Variants in MEGF6 observed in about 807,000 individuals in gnomAD.
The protein encoded by MEGF6 is multiple epidermal growth factor-like domains protein 6.
Under a neutral mutation model 207.1 loss-of-function variants are expected in MEGF6, and 184 were observed. The observed-to-expected ratio is 0.89, with a 90% CI of 0.79 to 1.00. The LOEUF is 1.00. MEGF6 is among the 50% of genes least tolerant of loss of function. The probability of loss-of-function intolerance (pLI) is 0.00; values close to 1 mark genes in which losing one functional copy is unlikely to be tolerated. For missense variants in MEGF6, 2,282 were observed against 2,202.9 expected, an observed-to-expected ratio of 1.04 and a Z score of -0.72; for synonymous variants, 1,038 against 910.0, an observed-to-expected ratio of 1.14 and a Z score of -2.53.
Position 3,512,030 on chromosome 1 carries a change from C to T in MEGF6, c.952G>A (p.Gly318Ser), listed in dbSNP as rs766403098. The T allele has an allele frequency of 6.2e-7, 1 of 1,612,690 alleles. No individual in the cohort carries two copies. The highest frequency in any genetic ancestry group is 8.5e-7 in the Non-Finnish European group (1 of 1,179,962). Residue 318 changes from glycine to serine, a missense_variant, in exon 8 of 37, where the codon GGC becomes AGC. Physicochemically the swap from Gly to Ser is moderately conservative, Grantham distance 56. Transcript: ENST00000356575. ...KCVCHAGYEL[G>S]ADGRQCYRIE... is the part of the protein sequence containing the mutation. ...CGGTAGCACTGCCGGCCATCGGCGC[C>T]CAGCTCATAGCCCGCGTGACACACG...
At position 3,495,950 on chromosome 1, in the gene MEGF6, C is replaced by A; in HGVS notation, c.3811G>T (p.Asp1271Tyr). The change falls in exon 30 of 37, where the codon GAC (aspartate) becomes TAC (tyrosine). Residue 1271 changes from aspartate to tyrosine, a missense_variant. Coordinates refer to ENST00000356575, the MANE Select transcript of MEGF6 (RefSeq NM_001409.4). Reference protein sequence around the residue: ...VCGCGQGAACDPVTGTCLCPP... With the variant: ...VCGCGQGAACYPVTGTCLCPP... ...CAGAGGCAGGTGCCGGTCACAGGGT[C>A]GCAGGCCGCCCCCTGCCCACACCCA... The A allele has an allele frequency of 1.9e-6, 3 of 1,589,962 alleles. No individual in the cohort carries two copies. Among genetic ancestry groups the A allele is most frequent in the South Asian group, 2.2e-5 (2 of 89,336 alleles).
chr1:3,500,035 G>A, intron 21 of MEGF6, 111 bp from the exon 22 acceptor site: 1 of 1,409,868 alleles, frequency 7.1e-7, no homozygotes, highest in Non-Finnish European at 9.3e-7. Context: ...TGGCTCATGA[G>A]AAGCCCCTTC....
In MEGF6 at chr1:3,493,433, G is replaced by A. The variant is rs929714170; in HGVS notation, c.4387+338C>T. ...TCAGGTGGGGCCCTCTGGGCTGGAG[G>A]GGCCACAGCCCCCTTGATGTCCCCC... On this transcript the variant is annotated intron_variant, in intron 34 of 36. Coordinates refer to ENST00000356575, the MANE Select transcript of MEGF6 (RefSeq NM_001409.4). The A allele has an allele frequency of 1.3e-5, 5 of 383,126 alleles. No individual in the cohort carries two copies. In the Admixed American group the frequency reaches 2.2e-4, roughly 17 times the overall value. The allele number at this position is 383,126 out of a possible 1,614,324, so 23.7% of individuals were successfully genotyped here.
intron 4 of MEGF6, among the ~76,000 whole-genome samples, chr1:3,553,449 G>A (rs948050115): frequency 1.3e-5 from 2 of 152,168 alleles, no homozygotes; most frequent in African/African-American, 4.8e-5. Context: ...CTGACGAGGA[G>A]GGGGAGCCTC....
chr1:3,587,720 T>C (rs902397395), intron 3 of MEGF6, among the ~76,000 whole-genome samples: 2 of 152,220 alleles, frequency 1.3e-5, no homozygotes, highest in African/African-American at 2.4e-5. Context: ...TCTCTGAGCC[T>C]GCACTGCTCA....
intron 2 of MEGF6, among the ~76,000 whole-genome samples, chr1:3,596,649 C>CTGCTCCTA: frequency 9.6e-6 from 1 of 103,884 alleles, no homozygotes. Context: ...CGTCTCCACC[C>CTGCTCCTA]CAGGGCACCC....
At chr1:3,490,709 T>TGGGTGGGGTG in intron 36 of MEGF6, 120 bp from the exon 37 acceptor site, 1 of 1,025,906 alleles carries the variant, frequency 9.7e-7, no homozygotes, top group Non-Finnish European at 1.4e-6. Context: ...GCCCAGCAGG[T>TGGGTGGGGTG]GGGTGGGGCC....
rs200837020 is a variant in MEGF6 at position 3,494,662 on chromosome 1, G to A, written c.3951C>T (p.Asn1317=). 134 of 1,567,028 alleles carry A rather than the reference G, an allele frequency of 8.6e-5. 1 individual carries two copies. In the African/African-American group the frequency reaches 1.5e-3, roughly 18 times the overall value. Residue 1317 remains asparagine, a synonymous_variant, in exon 31 of 37, where the codon AAC becomes AAT. Transcript: ENST00000356575. ...AGCCCAGGCCACAGGAGCAGCTGCC[G>A]TTGCTGGCGTGGCACAGGCCCCCAT... The part of the protein sequence containing the change: ...CRNGGLCHAS[N]GSCSCGLGWT...
rs1570167415 is a variant in MEGF6 at position 3,573,730 on chromosome 1, T to C, written c.481+6095A>G. 6.6e-6 allele frequency among the ~76,000 whole-genome samples: 1 copy of C among 152,126 alleles called. No individual in the cohort carries two copies. Among genetic ancestry groups the C allele is most frequent in the Non-Finnish European group, 1.5e-5 (1 of 68,008 alleles). ...CTCCCTGGGGCACAGAGTCTGAGTC[T>C]GGCAGCGGCAGCTCCCAGGCCTGGC... On this transcript the variant is annotated intron_variant, in intron 4 of 36. Coordinates refer to ENST00000356575, the MANE Select transcript of MEGF6 (RefSeq NM_001409.4). The surrounding 1 kb of genome is among the most constrained non-coding windows in gnomAD (Gnocchi z 5.1).
chr1:3,605,060 C>T (rs1195990510), intron 1 of MEGF6, among the ~76,000 whole-genome samples: 1 of 151,248 alleles, frequency 6.6e-6, no homozygotes, highest in African/African-American at 2.5e-5. Flanking sequence ...AAACACACAC[C>T]CTCACACTCA....
intron 26 of MEGF6, among the ~76,000 whole-genome samples, chr1:3,497,877 G>A (rs1265283739): frequency 3.3e-5 from 5 of 152,320 alleles, no homozygotes; most frequent in East Asian, 3.9e-4. Context: ...CTCGTGTTAG[G>A]GGCTTGGGTG....
At chr1:3,509,352 A>C (rs1641246332) in intron 11 of MEGF6, 107 bp from the exon 12 acceptor site, 3 of 962,678 alleles carry the variant, frequency 3.1e-6, no homozygotes, top group African/African-American at 1.8e-5. Flanking sequence ...GAACCCCACC[A>C]CCCTCCTACT....
At chr1:3,539,678 A>G (rs1256718274) in intron 4 of MEGF6, among the ~76,000 whole-genome samples, 1 of 152,186 alleles carries the variant, frequency 6.6e-6, no homozygotes, top group Non-Finnish European at 1.5e-5. Context: ...GGACTGGAGA[A>G]AAGTGGCTAC....
intron 1 of MEGF6, among the ~76,000 whole-genome samples, chr1:3,606,774 T>C (rs115433416): frequency 0.012 from 1,846 of 152,054 alleles, 30 homozygotes; most frequent in Middle Eastern, 0.041. Flanking sequence ...CTCCTTGCCA[T>C]AAAAAAACGG....
chr1:3,531,809 C>T (rs897781901), intron 4 of MEGF6, among the ~76,000 whole-genome samples: 2 of 146,872 alleles, frequency 1.4e-5, no homozygotes, highest in African/African-American at 2.5e-5. Flanking sequence ...CTGGCCGGGC[C>T]GCGGGGCGGG....
Position 3,496,713 on chromosome 1 carries a change from A to C in MEGF6, c.3684T>G (p.Asp1228Glu), listed in dbSNP as rs1302690228. 1 of 1,558,788 alleles carries C rather than the reference A, an allele frequency of 6.4e-7. No homozygotes were observed. The highest frequency in any genetic ancestry group is 8.7e-7 in the Non-Finnish European group (1 of 1,152,294). The part of the protein sequence containing the change: ...LCGCLNGGSC[D>E]AATGACRCPT... Reference sequence around the variant, plus strand: ...GGCAGCGGCAGGCCCCCGTGGCCGCATCACAGGAGCCCCCGTTGAGACACC... The same window carrying C: ...GGCAGCGGCAGGCCCCCGTGGCCGCCTCACAGGAGCCCCCGTTGAGACACC... The change falls in exon 29 of 37, where the codon GAT becomes GAG. Residue 1228 changes from aspartate to glutamate, a missense_variant. By Grantham distance (45) the Asp-to-Glu change is conservative. Coordinates refer to ENST00000356575, the MANE Select transcript of MEGF6 (RefSeq NM_001409.4).
intron 9 of MEGF6, 43 bp downstream of exon 9, chr1:3,511,507 C>T: frequency 1.3e-6 from 2 of 1,569,502 alleles, no homozygotes; most frequent in Non-Finnish European, 1.7e-6. Flanking sequence ...AGCAGCGGGT[C>T]CCTGGAGTGG....
At chr1:3,561,878 G>A (rs756228082) in intron 4 of MEGF6, among the ~76,000 whole-genome samples, 53 of 152,356 alleles carry the variant, frequency 3.5e-4, no homozygotes, top group East Asian at 9.6e-4. Flanking sequence ...GGGGCTTTTC[G>A]TTCCCATTTG....
In MEGF6 at chr1:3,507,928, A is replaced by G. The variant is rs1338802177; in HGVS notation, c.1661-5T>C. 6.2e-7 allele frequency: 1 copy of G among 1,609,534 alleles called. No homozygotes were observed. The highest frequency in any genetic ancestry group is 1.7e-5 in the Admixed American group (1 of 59,916). On this transcript the variant is annotated splice_region_variant and splice_polypyrimidine_tract_variant and intron_variant, in intron 13 of 36. Coordinates refer to ENST00000356575, the MANE Select transcript of MEGF6 (RefSeq NM_001409.4). Reference sequence around the variant, plus strand: ...CAAAGGTGTCCGGAGGACAAGCTACAAAGAATGACAGGGAAGCGTCAGGGT... The same window carrying G: ...CAAAGGTGTCCGGAGGACAAGCTACGAAGAATGACAGGGAAGCGTCAGGGT...
Sources: gnomAD v4.1 joint callset for allele counts (sites outside exome capture counted in the v4.1 genomes callset) on GRCh38, gnomAD v4.1.1 for gene constraint, Gnocchi (gnomAD v3.1) non-coding constraint, MANE v1.5 for transcripts, NCBI Gene and HGNC (gene_info 2026-07-23, HGNC 2026-07-21) for gene names.